The following FRMD6 variants were observed in gnomAD, a reference collection of about 807,000 sequenced individuals.
FRMD6 encodes FERM domain containing 6, also known as FERM domain-containing protein 6.
FRMD6 carries 37 observed loss-of-function variants against 73.2 expected under a neutral mutation model. The observed-to-expected ratio is 0.51, with a 90% confidence interval of 0.39 to 0.66. The LOEUF is 0.66. Among genes scored for constraint, FRMD6 ranks in the 30% least tolerant of loss-of-function variants. The pLI, the probability that FRMD6 is intolerant of heterozygous loss-of-function variation, is 0.00. For missense variants in FRMD6, 714 were observed against 780.5 expected (o/e 0.91, Z 1.02); for synonymous variants, 273 against 282.2 (o/e 0.97, Z 0.33).
At chr14:51,617,902 A>G (rs1046484829) in intron 2 of FRMD6, among the ~76,000 whole-genome samples, 1 of 152,206 alleles carries the variant, frequency 6.6e-6, no homozygotes, top group Non-Finnish European at 1.5e-5. Flanking sequence ...ACTTTAAAAT[A>G]AAACATGCAA....
chr14:51,600,115 C>A (rs1290464658), intron 2 of FRMD6, among the ~76,000 whole-genome samples: 5 of 151,934 alleles, frequency 3.3e-5, no homozygotes, highest in Non-Finnish European at 7.4e-5. Flanking sequence ...AAAATTACAG[C>A]ACTCTCACTT....
intron 12 of FRMD6, among the ~76,000 whole-genome samples, chr14:51,723,860 CAATATTTAAT>C (rs1033778067): frequency 2.0e-5 from 3 of 150,766 alleles, no homozygotes; most frequent in African/African-American, 7.3e-5. Context: ...GATTTTCAAA[CAATATTTAAT>C]AACATAAGAA....
chr14:51,431,885 A>G, the FRMD6 span, among the ~76,000 whole-genome samples: 1 of 152,188 alleles, frequency 6.6e-6, no homozygotes, highest in Non-Finnish European at 1.5e-5. Flanking sequence ...TCATGTGGAA[A>G]GAAAGTATCC....
intron 10 of FRMD6, among the ~76,000 whole-genome samples, chr14:51,719,170 G>A (rs34297067): frequency 0.1 from 15,591 of 152,240 alleles, 1,066 homozygotes; most frequent in Non-Finnish European, 0.16. Flanking sequence ...TTTTGTGTCA[G>A]TTGAGTTGTA....
rs142160411 is a variant in FRMD6, at chr14:51,653,607, A to T, written c.-147+1611A>T. ...GTAGAAATTTTAACTACCAGGACCT[A>T]CAGGATGGAGAGTGGGGGAGGGGAG... On this transcript the variant is annotated intron_variant, in intron 1 of 13. Transcript: ENST00000344768. Among the ~76,000 whole-genome samples, 28 of 152,302 alleles carry T rather than the reference A, an allele frequency of 1.8e-4. No homozygotes were observed. In the East Asian group the frequency reaches 5.0e-3, roughly 27 times the overall value.
At chr14:51,481,901 C>T in the FRMD6 span, among the ~76,000 whole-genome samples, 1 of 152,182 alleles carries the variant, frequency 6.6e-6, no homozygotes. Flanking sequence ...GTTGTTTTTC[C>T]AGGAACTAGC....
At chr14:51,513,213 G>A (rs530227242) in intron 1 of FRMD6, among the ~76,000 whole-genome samples, 6 of 152,224 alleles carry the variant, frequency 3.9e-5, no homozygotes, top group African/African-American at 1.2e-4. Flanking sequence ...CTCTGAACTG[G>A]TACAGTCCCC....
chr14:51,482,656 G>C, the FRMD6 span, among the ~76,000 whole-genome samples: 3 of 143,954 alleles, frequency 2.1e-5, no homozygotes, highest in Middle Eastern at 7.0e-3. Context: ...TGCAATTGGA[G>C]AAGGAACTTT....
At chr14:51,418,607 T>A in the FRMD6 span, among the ~76,000 whole-genome samples, 1 of 152,210 alleles carries the variant, frequency 6.6e-6, no homozygotes, top group Admixed American at 6.5e-5. Context: ...CTGGGAGGTC[T>A]CTCCCAGTTA....
chr14:51,685,193 T>C (rs1895069527), intron 1 of FRMD6, among the ~76,000 whole-genome samples: 1 of 152,200 alleles, frequency 6.6e-6, no homozygotes, highest in South Asian at 2.1e-4. Flanking sequence ...AAGTGAGTCT[T>C]GGCAAGGAAA....
At chr14:51,634,987 A>C (rs1285317759) in intron 2 of FRMD6, among the ~76,000 whole-genome samples, 2 of 152,096 alleles carry the variant, frequency 1.3e-5, no homozygotes, top group African/African-American at 4.8e-5. Context: ...TTCAAATGAG[A>C]CAGGGTCTCA....
At chr14:51,611,698 C>T (rs530260274) in intron 2 of FRMD6, among the ~76,000 whole-genome samples, 1 of 152,294 alleles carries the variant, frequency 6.6e-6, no homozygotes, top group Admixed American at 6.5e-5. Context: ...CAGTCTGGGG[C>T]TCACACTTGG....
chr14:51,462,079 AGAAG>A, the FRMD6 span, among the ~76,000 whole-genome samples: 1 of 152,168 alleles, frequency 6.6e-6, no homozygotes, highest in Non-Finnish European at 1.5e-5. Context: ...AAGCAAGGAA[AGAAG>A]GAAGAAAAGA....
At chr14:51,523,904 T>C (rs1885084816) in intron 1 of FRMD6, among the ~76,000 whole-genome samples, 2 of 152,182 alleles carry the variant, frequency 1.3e-5, no homozygotes, top group Non-Finnish European at 2.9e-5. Context: ...AAAATGCCTA[T>C]GGTGGAAAGC....
At chr14:51,709,358 A>G (rs1358153012) in intron 7 of FRMD6, among the ~76,000 whole-genome samples, 1 of 152,226 alleles carries the variant, frequency 6.6e-6, no homozygotes, top group Admixed American at 6.5e-5. Flanking sequence ...TGCTTAAAAC[A>G]GTGCCCAGCA....
the FRMD6 span, among the ~76,000 whole-genome samples, chr14:51,479,153 G>A: frequency 5.1e-3 from 783 of 152,258 alleles, 10 homozygotes; most frequent in African/African-American, 0.018. Flanking sequence ...TTTCAAGTGA[G>A]TGAGAAGATG....
chr14:51,462,447 T>G, the FRMD6 span, among the ~76,000 whole-genome samples: 1 of 152,224 alleles, frequency 6.6e-6, no homozygotes, highest in African/African-American at 2.4e-5. Context: ...CTGCTTGAAC[T>G]GGCTCCTGGT....
chr14:51,401,901 G>A, the FRMD6 span, among the ~76,000 whole-genome samples: 2 of 152,194 alleles, frequency 1.3e-5, no homozygotes, highest in South Asian at 4.1e-4. Context: ...TGGAAAACAG[G>A]CCGTGGAGGG....
chr14:51,698,213 T>C lies in FRMD6; in HGVS notation c.171T>C (p.Phe57=). The C allele has an allele frequency of 1.2e-6, 2 of 1,612,088 alleles. No homozygotes were observed. The highest frequency in any genetic ancestry group is 1.7e-6 in the Non-Finnish European group (2 of 1,178,624). Residue 57 remains phenylalanine (F), a synonymous_variant, in exon 3 of 14, where the codon TTT becomes TTC. Transcript: ENST00000344768. The part of the protein sequence containing the change: ...DLLRLKDCHL[F]GLSVIQNNEH... ...TCAGGCTAAAGGACTGCCACCTCTT[T>C]GGACTCAGTGTTATACAAAGTAAGT...
Sources: allele counts gnomAD v4.1 joint callset (sites outside exome capture counted in the v4.1 genomes callset), GRCh38; gene constraint gnomAD v4.1.1; transcripts MANE v1.5; gene names NCBI Gene and HGNC (gene_info 2026-07-23, HGNC 2026-07-21).